Variants in TRAPPC9 observed in about 807,000 individuals in gnomAD.
The protein encoded by TRAPPC9 is trafficking protein particle complex subunit 9.
A neutral mutation model predicts 124.0 loss-of-function variants in TRAPPC9; 83 were observed. The ratio of observed to expected loss-of-function variants is 0.67; its 90% CI spans 0.56 to 0.80. The LOEUF is 0.80. Among genes scored for constraint, TRAPPC9 ranks in the 30% least tolerant of loss-of-function variants. TRAPPC9 has a pLI of 0.00. For synonymous variants in TRAPPC9, 638 were observed against 617.5 expected, an observed-to-expected ratio of 1.03 and a Z score of -0.49; for missense variants, 1,302 against 1,508.3, an observed-to-expected ratio of 0.86 and a Z score of 2.27.
intron 15 of TRAPPC9, among the ~76,000 whole-genome samples, chr8:140,253,138 G>C (rs892388308): frequency 2.0e-5 from 3 of 152,170 alleles, no homozygotes. Flanking sequence ...ACAGGGAGGA[G>C]GAAGAACTGC....
At chr8:140,437,565 A>T (rs1316282810) in intron 3 of TRAPPC9, among the ~76,000 whole-genome samples, 1 of 152,206 alleles carries the variant, frequency 6.6e-6, no homozygotes, top group Non-Finnish European at 1.5e-5. Context: ...CGGAGATTGC[A>T]GTGAGCCAAG....
intron 18 of TRAPPC9, among the ~76,000 whole-genome samples, chr8:140,005,274 C>T (rs78851378): frequency 1.6e-3 from 239 of 152,284 alleles, no homozygotes; most frequent in African/African-American, 5.7e-3. Flanking sequence ...AGCAGTGACA[C>T]CAGGGACTCT....
At chr8:140,059,277 C>T (rs1017586472) in intron 17 of TRAPPC9, among the ~76,000 whole-genome samples, 3 of 152,188 alleles carry the variant, frequency 2.0e-5, no homozygotes, top group South Asian at 4.1e-4. Flanking sequence ...AATTCATCCA[C>T]GTTCTTAAGT....
At chr8:140,195,663 C>A (rs1419545900) in intron 17 of TRAPPC9, among the ~76,000 whole-genome samples, 6 of 151,908 alleles carry the variant, frequency 3.9e-5, no homozygotes, top group Non-Finnish European at 1.5e-5. Context: ...CAATGATCCA[C>A]TACACAGCTC....
chr8:139,801,101 T>C lies in TRAPPC9; in HGVS notation c.3056-68899A>G, dbSNP rs191554405. 5.2e-3 allele frequency among the ~76,000 whole-genome samples: 731 copies of C among 140,620 alleles called. 3 individuals carry two copies. Among genetic ancestry groups the C allele is most frequent in the African/African-American group, 0.021 (673 of 31,674 alleles). The allele number at this position is 140,620 out of a possible 152,430, so 92.3% of individuals were successfully genotyped here. The stretch of plus-strand genomic sequence containing the variant: ...CTCCCTCCAGTATCTTCCCTCCCTC[T>C]GGTATCTTCCCTCCCTCCTGTATCT... On this transcript the variant is annotated intron_variant, in intron 21 of 22. Coordinates refer to ENST00000438773, the MANE Select transcript of TRAPPC9 (RefSeq NM_001160372.4).
chr8:139,874,661 C>T (rs1009928579), intron 21 of TRAPPC9, among the ~76,000 whole-genome samples: 2 of 152,148 alleles, frequency 1.3e-5, no homozygotes, highest in Non-Finnish European at 2.9e-5. Flanking sequence ...AAGCCTGGAG[C>T]CCAGGTCACA....
In TRAPPC9 at chr8:140,087,702, C is replaced by T. The variant is rs1489131282; in HGVS notation, c.2557-63623G>A. Among the ~76,000 whole-genome samples the T allele has an allele frequency of 6.6e-6, 1 of 152,182 alleles. No individual in the cohort carries two copies. The highest frequency in any genetic ancestry group is 1.5e-5 in the Non-Finnish European group (1 of 68,022). ...GTCATCGCTTGTCTGGACAATGCCA[C>T]TGGCTCCCCACCTCGTCTCCCCTGC... On this transcript the variant is annotated intron_variant, in intron 17 of 22. Coordinates refer to ENST00000438773, the MANE Select transcript of TRAPPC9 (RefSeq NM_001160372.4). The surrounding 1 kb of genome is among the most constrained non-coding windows in gnomAD (Gnocchi z 4.6).
At chr8:139,941,493 T>C (rs1238555555) in intron 19 of TRAPPC9, among the ~76,000 whole-genome samples, 3 of 152,054 alleles carry the variant, frequency 2.0e-5, no homozygotes, top group East Asian at 1.9e-4. Context: ...GGGCCCAGTA[T>C]GGCAGGAGGG....
At chr8:140,194,261 C>A (rs1326971110) in intron 17 of TRAPPC9, among the ~76,000 whole-genome samples, 2 of 152,110 alleles carry the variant, frequency 1.3e-5, no homozygotes, top group Admixed American at 1.3e-4. Flanking sequence ...GCCCGCACCC[C>A]TTCACACCCC....
At chr8:140,284,812 C>T (rs941953633) in intron 13 of TRAPPC9, among the ~76,000 whole-genome samples, 3 of 152,194 alleles carry the variant, frequency 2.0e-5, no homozygotes, top group Admixed American at 6.5e-5. Flanking sequence ...GCCCCGTGCT[C>T]ACCTCCTGCC....
intron 17 of TRAPPC9, among the ~76,000 whole-genome samples, chr8:140,042,337 C>T (rs193142206): frequency 1.3e-5 from 2 of 152,130 alleles, no homozygotes; most frequent in South Asian, 2.1e-4. Flanking sequence ...CAAAATAAAA[C>T]GTTGGGGAAA....
chr8:139,923,543 C>T (rs1832633834), intron 19 of TRAPPC9, among the ~76,000 whole-genome samples: 1 of 152,022 alleles, frequency 6.6e-6, no homozygotes, highest in Non-Finnish European at 1.5e-5. Context: ...CATCTCAGCC[C>T]CACCTCCACC....
chr8:140,228,792 A>G (rs558629751), intron 16 of TRAPPC9, among the ~76,000 whole-genome samples: 2 of 152,352 alleles, frequency 1.3e-5, no homozygotes, highest in African/African-American at 4.8e-5. Context: ...GCCTCACGTG[A>G]ATTCTATCAC....
chr8:140,217,450 C>T (rs1196638734), intron 17 of TRAPPC9, among the ~76,000 whole-genome samples: 4 of 152,124 alleles, frequency 2.6e-5, no homozygotes, highest in African/African-American at 7.2e-5. Flanking sequence ...TAGCAGTGGA[C>T]GGCCTCTGGC....
chr8:140,267,729 C>T (rs1415352927), intron 15 of TRAPPC9, among the ~76,000 whole-genome samples: 2 of 152,238 alleles, frequency 1.3e-5, no homozygotes, highest in East Asian at 1.9e-4. Context: ...TGCAATGGCA[C>T]GATCTCAGCT....
At position 139,732,026 on chromosome 8, in the gene TRAPPC9, G is replaced by C. The variant is rs1467454222; in HGVS notation, c.3232C>G (p.His1078Asp). Residue 1078 changes from histidine to aspartate, a missense_variant, in exon 22 of 23, where the codon CAC becomes GAC. By Grantham distance (81) the His-to-Asp change is moderately conservative. Coordinates refer to ENST00000438773, the MANE Select transcript of TRAPPC9 (RefSeq NM_001160372.4). Reference sequence around the variant, plus strand: ...GAGCCCACGAAGGAGACGGTGTCGTGCAGGTCGTAGTTGTGCACGCCGTTC... The same window carrying C: ...GAGCCCACGAAGGAGACGGTGTCGTCCAGGTCGTAGTTGTGCACGCCGTTC... The part of the protein sequence containing the change: ...HQNGVHNYDL[H>D]DTVSFVGSST... 6.2e-7 allele frequency: 1 copy of C among 1,602,344 alleles called. No homozygotes were observed. Among genetic ancestry groups the C allele is most frequent in the East Asian group, 2.3e-5 (1 of 44,362 alleles).
chr8:139,934,353 G>A (rs747276312), intron 19 of TRAPPC9, among the ~76,000 whole-genome samples: 2 of 152,172 alleles, frequency 1.3e-5, no homozygotes, highest in African/African-American at 2.4e-5. Context: ...AGGCTACCTG[G>A]CAGGGGTGTC....
chr8:140,432,333 T>C (rs2132586318), intron 4 of TRAPPC9, among the ~76,000 whole-genome samples: 1 of 152,280 alleles, frequency 6.6e-6, no homozygotes, highest in African/African-American at 2.4e-5. Flanking sequence ...AAGGGAACAG[T>C]ATTCAGTATT....
chr8:140,343,830 A>G (rs2067261521), intron 9 of TRAPPC9, among the ~76,000 whole-genome samples: 1 of 152,200 alleles, frequency 6.6e-6, no homozygotes, highest in Non-Finnish European at 1.5e-5. Flanking sequence ...TTCTTTAAAA[A>G]TAAAAGCATT....
Sources: gnomAD v4.1 joint callset for allele counts (sites outside exome capture counted in the v4.1 genomes callset) on GRCh38, gnomAD v4.1.1 for gene constraint, Gnocchi (gnomAD v3.1) non-coding constraint, MANE v1.5 for transcripts, NCBI Gene and HGNC (gene_info 2026-07-23, HGNC 2026-07-21) for gene names.